NTM: variants seen among roughly 807,000 people sequenced by gnomAD.
NTM encodes neurotrimin.
Under a neutral mutation model 42.1 loss-of-function variants are expected in NTM, and 13 were observed. The observed-to-expected ratio is 0.31, with a 90% confidence interval of 0.20 to 0.49. The LOEUF (loss-of-function observed/expected upper bound fraction) is 0.49, where lower values mean the gene tolerates loss of function less well. Among genes scored for constraint, NTM ranks in the 20% least tolerant of loss-of-function variants. The probability of loss-of-function intolerance (pLI) is 0.99; values close to 1 mark genes in which losing one functional copy is unlikely to be tolerated. For missense variants in NTM, 373 were observed against 452.8 expected, an observed-to-expected ratio of 0.82 and a Z score of 1.60; for synonymous variants, 187 against 179.2, an observed-to-expected ratio of 1.04 and a Z score of -0.35.
At chr11:131,594,942 A>G (rs1291958999) in intron 1 of NTM, among the ~76,000 whole-genome samples, 4 of 152,272 alleles carry the variant, frequency 2.6e-5, no homozygotes, top group East Asian at 1.9e-4. Context: ...CACTTGCTCA[A>G]TCTCTCTGGG....
intron 1 of NTM, among the ~76,000 whole-genome samples, chr11:131,384,154 A>G (rs1943029774): frequency 6.6e-6 from 1 of 152,090 alleles, no homozygotes; most frequent in Non-Finnish European, 1.5e-5. Context: ...TGGATCTGAA[A>G]CTCTGGGTAT....
At chr11:131,685,686 T>TA (rs1274583040) in intron 1 of NTM, among the ~76,000 whole-genome samples, 2 of 152,122 alleles carry the variant, frequency 1.3e-5, no homozygotes, top group African/African-American at 2.4e-5. Context: ...TACCTTTTTT[T>TA]AAAAAAATCA....
intron 1 of NTM, among the ~76,000 whole-genome samples, chr11:131,511,686 G>T (rs1445631650): frequency 6.6e-6 from 1 of 152,166 alleles, no homozygotes; most frequent in Non-Finnish European, 1.5e-5. Flanking sequence ...TGGGATTATT[G>T]TCTTGGGCAA....
chr11:131,751,502 A>G (rs768073557), intron 1 of NTM, among the ~76,000 whole-genome samples: 1 of 151,884 alleles, frequency 6.6e-6, no homozygotes, highest in South Asian at 2.1e-4. Context: ...AGGCAGGAGA[A>G]TGGCGTGAAC....
At chr11:132,267,817 G>A (rs2139640817) in intron 4 of NTM, among the ~76,000 whole-genome samples, 1 of 149,842 alleles carries the variant, frequency 6.7e-6, no homozygotes, top group African/African-American at 2.4e-5. Flanking sequence ...ACTCCAGTCT[G>A]GGTGACAGAG....
intron 3 of NTM, among the ~76,000 whole-genome samples, chr11:132,152,084 A>G (rs945779978): frequency 8.5e-5 from 13 of 152,228 alleles, no homozygotes; most frequent in Non-Finnish European, 1.8e-4. Flanking sequence ...CTAGGTAGCT[A>G]CACCCTAGAG....
intron 1 of NTM, among the ~76,000 whole-genome samples, chr11:131,486,957 T>A (rs925849534): frequency 6.6e-6 from 1 of 152,114 alleles, no homozygotes; most frequent in Non-Finnish European, 1.5e-5. Flanking sequence ...AAAGAGAATA[T>A]CTTTTGATAA....
intron 2 of NTM, among the ~76,000 whole-genome samples, chr11:131,940,906 G>A (rs1338642661): frequency 6.6e-6 from 1 of 152,226 alleles, no homozygotes; most frequent in Non-Finnish European, 1.5e-5. Flanking sequence ...CTGATACAGT[G>A]TCTTTAAATA....
At chr11:131,379,414 A>T (rs1942375466) in intron 1 of NTM, among the ~76,000 whole-genome samples, 2 of 152,136 alleles carry the variant, frequency 1.3e-5, no homozygotes, top group Non-Finnish European at 2.9e-5. Context: ...CTATATCTGG[A>T]GAGTGATTAT....
chr11:132,076,644 T>A (rs568617743), intron 2 of NTM, among the ~76,000 whole-genome samples: 226 of 152,310 alleles, frequency 1.5e-3, no homozygotes, highest in Non-Finnish European at 2.6e-3. Context: ...AGGACATAAT[T>A]TGTAGGGGGT....
chr11:132,056,109 A>T (rs1270706080), intron 2 of NTM, among the ~76,000 whole-genome samples: 1 of 152,254 alleles, frequency 6.6e-6, no homozygotes, highest in African/African-American at 2.4e-5. Context: ...TGCAGTAGGC[A>T]GATTAATTGG....
intron 1 of NTM, among the ~76,000 whole-genome samples, chr11:131,835,847 G>A (rs1039400044): frequency 6.6e-6 from 1 of 152,146 alleles, no homozygotes; most frequent in Admixed American, 6.5e-5. Context: ...TATATGGATA[G>A]GGACATATCC....
chr11:131,427,251 T>C (rs747414715), intron 1 of NTM, among the ~76,000 whole-genome samples: 1 of 152,070 alleles, frequency 6.6e-6, no homozygotes, highest in Non-Finnish European at 1.5e-5. Flanking sequence ...TTCCCTGAAG[T>C]GAACCCAAAT....
intron 2 of NTM, among the ~76,000 whole-genome samples, chr11:132,101,578 GTGTGTGTA>G (rs2061632086): frequency 2.6e-5 from 4 of 151,952 alleles, no homozygotes; most frequent in African/African-American, 4.8e-5. Context: ...GTGTGTGTGT[GTGTGTGTA>G]TGTTTGAATG....
intron 1 of NTM, among the ~76,000 whole-genome samples, chr11:131,747,920 C>T (rs2082016672): frequency 1.3e-5 from 2 of 152,222 alleles, no homozygotes; most frequent in African/African-American, 4.8e-5. Context: ...CACATCACCA[C>T]CGTGTCACCA....
intron 4 of NTM, among the ~76,000 whole-genome samples, chr11:132,276,638 T>A (rs946939135): frequency 1.3e-5 from 2 of 152,184 alleles, no homozygotes; most frequent in African/African-American, 4.8e-5. Flanking sequence ...CACTTCCAAT[T>A]AAAACATTGT....
chr11:132,172,861 T>C (rs2076299415), intron 3 of NTM, among the ~76,000 whole-genome samples: 1 of 152,216 alleles, frequency 6.6e-6, no homozygotes, highest in African/African-American at 2.4e-5. Context: ...CCATGTGTGA[T>C]TGGTGAATTT....
At chr11:132,310,988 A>T (rs1853942409) in intron 6 of NTM, among the ~76,000 whole-genome samples, 1 of 152,174 alleles carries the variant, frequency 6.6e-6, no homozygotes, top group Non-Finnish European at 1.5e-5. Flanking sequence ...GAACATTTTC[A>T]TTGAAAAAGA....
intron 1 of NTM, among the ~76,000 whole-genome samples, chr11:131,412,369 A>C (rs2135761816): frequency 6.6e-6 from 1 of 152,350 alleles, no homozygotes. Context: ...ACTGTGCAGA[A>C]GAAAGGAAGG....
Sources: gnomAD v4.1 joint callset for allele counts (sites outside exome capture counted in the v4.1 genomes callset) on GRCh38, gnomAD v4.1.1 for gene constraint, MANE v1.5 for transcripts, NCBI Gene and HGNC (gene_info 2026-07-23, HGNC 2026-07-21) for gene names.